Variants in GRID2 observed in about 807,000 individuals in gnomAD.
GRID2 encodes glutamate receptor ionotropic, delta-2.
Under a neutral mutation model 114.8 loss-of-function variants are expected in GRID2, and 33 were observed. That is an observed-to-expected ratio of 0.29 (90% CI 0.22 to 0.38). GRID2 has a LOEUF of 0.38. Among genes scored for constraint, GRID2 ranks in the 10% least tolerant of loss-of-function variants. The probability of loss-of-function intolerance (pLI) is 1.00; values close to 1 mark genes in which losing one functional copy is unlikely to be tolerated. For missense variants in GRID2, 1,184 were observed against 1,257.7 expected (o/e 0.94, Z 0.89); for synonymous variants, 505 against 449.9 (o/e 1.12, Z -1.55).
At position 93,381,192 on chromosome 4, in the gene GRID2, C is replaced by T. The variant is rs568759905; in HGVS notation, c.1246-14415C>T. The stretch of plus-strand genomic sequence containing the variant: ...TATTTTCAAAACTCCTTTCATCATG[C>T]AAAACTGAAACTCTATACTTAGTAA... On this transcript the variant is annotated intron_variant, in intron 8 of 15. Transcript: ENST00000282020. 3.3e-5 allele frequency among the ~76,000 whole-genome samples: 5 copies of T among 152,180 alleles called. No individual in the cohort carries two copies. The South Asian group carries it at 1.0e-3, about 32-fold the overall frequency.
At chr4:92,692,813 A>G (rs886811180) in intron 2 of GRID2, among the ~76,000 whole-genome samples, 5 of 152,110 alleles carry the variant, frequency 3.3e-5, no homozygotes, top group African/African-American at 1.2e-4. Context: ...ACTTGAGGTC[A>G]GGAGTTCCAG....
At chr4:93,805,690 G>T (rs1465864994) in intron 1 of GRID2, among the ~76,000 whole-genome samples, 3 of 152,216 alleles carry the variant, frequency 2.0e-5, no homozygotes, top group Non-Finnish European at 4.4e-5. Flanking sequence ...CACAGTTTGT[G>T]TCCACATTCA....
intron 14 of GRID2, among the ~76,000 whole-genome samples, chr4:93,747,892 C>G (rs1406152798): frequency 2.6e-5 from 4 of 151,942 alleles, no homozygotes; most frequent in Non-Finnish European, 5.9e-5. Flanking sequence ...ATTATGACAT[C>G]TTATTCGTTC....
chr4:92,502,112 A>C (rs1254342808), intron 1 of GRID2, among the ~76,000 whole-genome samples: 1 of 152,172 alleles, frequency 6.6e-6, no homozygotes, highest in Non-Finnish European at 1.5e-5. Flanking sequence ...TCCTTTTAAA[A>C]AAATAAAAGA....
chr4:92,734,567 A>C (rs1736495150), intron 2 of GRID2, among the ~76,000 whole-genome samples: 1 of 152,056 alleles, frequency 6.6e-6, no homozygotes, highest in Admixed American at 6.6e-5. Context: ...TACAGGCATG[A>C]ACCACCTCGC....
chr4:93,759,806 A>T (rs976199702), intron 14 of GRID2, among the ~76,000 whole-genome samples: 1 of 152,222 alleles, frequency 6.6e-6, no homozygotes, highest in South Asian at 2.1e-4. Flanking sequence ...ATGTTTGTAA[A>T]TGGATACAGT....
chr4:93,246,149 A>T (rs1299224339), intron 8 of GRID2, among the ~76,000 whole-genome samples: 3 of 152,196 alleles, frequency 2.0e-5, no homozygotes, highest in African/African-American at 7.2e-5. Flanking sequence ...ATAACAGAAA[A>T]TCTGATGGTA....
At chr4:93,713,331 CAGTT>C (rs1216586187) in intron 14 of GRID2, among the ~76,000 whole-genome samples, 3 of 152,118 alleles carry the variant, frequency 2.0e-5, no homozygotes, top group East Asian at 3.9e-4. Context: ...CTTATCCTGA[CAGTT>C]TGTTTGTTGT....
At chr4:92,825,761 G>A (rs73837354) in intron 2 of GRID2, among the ~76,000 whole-genome samples, 4,030 of 152,214 alleles carry the variant, frequency 0.026, 148 homozygotes, top group African/African-American at 0.078. Flanking sequence ...CAGCCCATAT[G>A]CAGGCCTGAA....
intron 14 of GRID2, among the ~76,000 whole-genome samples, chr4:93,649,280 A>C (rs557680548): frequency 1.3e-5 from 2 of 152,296 alleles, no homozygotes; most frequent in Admixed American, 1.3e-4. Flanking sequence ...CTTTGCCTAT[A>C]GGAAATCAAC....
At chr4:93,440,227 G>A (rs1186439499) in intron 10 of GRID2, among the ~76,000 whole-genome samples, 2 of 151,850 alleles carry the variant, frequency 1.3e-5, no homozygotes, top group Non-Finnish European at 2.9e-5. Flanking sequence ...TATATGTATG[G>A]GCCAAGAAAA....
intron 13 of GRID2, among the ~76,000 whole-genome samples, chr4:93,566,896 T>A (rs1324308113): frequency 1.3e-5 from 2 of 152,210 alleles, no homozygotes; most frequent in African/African-American, 4.8e-5. Flanking sequence ...TGCTTTATAC[T>A]TTTTATCTCA....
At position 93,682,529 on chromosome 4, in the gene GRID2, G is replaced by T. The variant is rs368564911; in HGVS notation, c.2360+56094G>T. On this transcript the variant is annotated intron_variant, in intron 14 of 15. Transcript: ENST00000282020. ...CACAATAGCAAAGACTTGGAACCAA[G>T]CCAAATGTCCAACAATGATAGACTG... is the stretch of plus-strand genomic sequence containing the variant. Among the ~76,000 whole-genome samples the T allele has an allele frequency of 1.1e-4, 16 of 151,956 alleles. No individual in the cohort carries two copies. The East Asian group carries it at 3.1e-3, about 29-fold the overall frequency.
chr4:92,337,726 C>T (rs1727261724), intron 1 of GRID2, among the ~76,000 whole-genome samples: 1 of 152,166 alleles, frequency 6.6e-6, no homozygotes, highest in South Asian at 2.1e-4. Context: ...CCCACCAGGT[C>T]TCTCCCTTGA....
intron 8 of GRID2, chr4:93,319,748 G>A (rs1240537141): frequency 1.3e-5 from 2 of 152,152 alleles, no homozygotes; most frequent in Admixed American, 6.6e-5. Flanking sequence ...GGCGCTAGGA[G>A]AGCCAGACCA....
intron 2 of GRID2, among the ~76,000 whole-genome samples, chr4:92,883,510 A>G (rs1273893016): frequency 6.6e-6 from 1 of 152,052 alleles, no homozygotes; most frequent in African/African-American, 2.4e-5. Flanking sequence ...TTTTCAATTT[A>G]TTTTCCCAGA....
chr4:93,389,568 T>C (rs1560570615), intron 8 of GRID2, among the ~76,000 whole-genome samples: 1 of 152,296 alleles, frequency 6.6e-6, no homozygotes, highest in Middle Eastern at 3.4e-3. Flanking sequence ...ACAACAATAC[T>C]ATGATAAGAG....
intron 2 of GRID2, among the ~76,000 whole-genome samples, chr4:92,629,598 C>T (rs1027332701): frequency 6.6e-6 from 1 of 151,844 alleles, no homozygotes; most frequent in Non-Finnish European, 1.5e-5. Context: ...AGCCAGAAAA[C>T]GTGTTAAGGG....
rs1379844990 is a variant in GRID2, at chr4:92,304,548, AAAG to A, written c.-106_-104del. The A allele has an allele frequency of 6.7e-6, 5 of 744,148 alleles. No homozygotes were observed. Among genetic ancestry groups the A allele is most frequent in the South Asian group, 1.6e-5 (1 of 62,960 alleles). The allele number at this position is 744,148 out of a possible 1,614,324, so 46.1% of individuals were successfully genotyped here. On this transcript the variant is annotated 5_prime_UTR_variant, in exon 1 of 16. Transcript: ENST00000282020. ...GCTCTGGCAATAGGAATTTAGAAAA[AAAG>A]AAAAAGCTGCGCTAAACTCCACCGT...
Sources: gnomAD v4.1 joint callset for allele counts (sites outside exome capture counted in the v4.1 genomes callset) on GRCh38, gnomAD v4.1.1 for gene constraint, MANE v1.5 for transcripts, NCBI Gene and HGNC (gene_info 2026-07-23, HGNC 2026-07-21) for gene names.